Variants in TMEM181 observed in about 807,000 individuals in gnomAD.
TMEM181 encodes G protein-coupled receptor 178.
TMEM181 carries 39 observed loss-of-function variants against 71.9 expected under a neutral mutation model. The observed-to-expected ratio is 0.54, with a 90% CI of 0.42 to 0.71. TMEM181 has a LOEUF of 0.71. Ranked by LOEUF, TMEM181 falls within the 30% of genes least tolerant of loss-of-function variation. TMEM181 has a pLI of 0.00. For missense variants in TMEM181, 595 were observed against 583.0 expected, an observed-to-expected ratio of 1.02 and a Z score of -0.21; for synonymous variants, 245 against 228.8, an observed-to-expected ratio of 1.07 and a Z score of -0.64.
rs779540686 is a variant in TMEM181, at chr6:158,573,428, C to T, written c.17C>T (p.Pro6Leu). MEPLAPMRLYTLSKRH... is the reference protein window; with the variant it reads MEPLALMRLYTLSKRH... ...CTGGCTTCTGCCCCCAGGCTGGCGCCCATGCGGCTCTACACGCTCTCCAAG... is the reference window on the plus strand; with the variant it reads ...CTGGCTTCTGCCCCCAGGCTGGCGCTCATGCGGCTCTACACGCTCTCCAAG... The change falls in exon 2 of 17, where the codon CCC (proline) becomes CTC (leucine). Residue 6 changes from proline to leucine, a missense_variant. Coordinates refer to ENST00000684151, the MANE Select transcript of TMEM181 (RefSeq NM_001376852.1). 52 of 1,582,682 alleles carry T rather than the reference C, an allele frequency of 3.3e-5. No homozygotes were observed. The highest frequency in any genetic ancestry group is 4.3e-5 in the Non-Finnish European group (50 of 1,165,988).
chr6:158,572,138 G>C (rs1365860434), intron 1 of TMEM181, among the ~76,000 whole-genome samples: 2 of 152,238 alleles, frequency 1.3e-5, no homozygotes, highest in Non-Finnish European at 2.9e-5. Flanking sequence ...TCAGAGCTAC[G>C]TCGCAGAGGT....
At position 158,633,747 on chromosome 6, in the gene TMEM181, GAC is replaced by G. The variant is rs1453486283; in HGVS notation, c.*1861_*1862del. ...AAACCTTGTAAATATGAATGTTTAA[GAC>G]AACTTACTGCAAGGGTAATTCAAGT... On this transcript the variant is annotated 3_prime_UTR_variant, in exon 17 of 17. Transcript: ENST00000684151. The G allele has an allele frequency of 1.3e-5, 2 of 152,086 alleles. No homozygotes were observed. The highest frequency in any genetic ancestry group is 4.8e-5 in the African/African-American group (2 of 41,398). The allele number at this position is 152,086 out of a possible 1,614,324, so 9.4% of individuals were successfully genotyped here.
At chr6:158,603,012 C>A (rs1784752912) in intron 6 of TMEM181, among the ~76,000 whole-genome samples, 1 of 152,184 alleles carries the variant, frequency 6.6e-6, no homozygotes, top group African/African-American at 2.4e-5. Context: ...CTCCCCACCC[C>A]CTTTTAAGAT....
chr6:158,559,577 G>T (rs9355660), upstream of TMEM181, among the ~76,000 whole-genome samples: 69,657 of 152,100 alleles, frequency 0.46, 17,067 homozygotes, highest in East Asian at 0.75. Context: ...TGGTCCACTG[G>T]TCTAGCTGCA....
intron 10 of TMEM181, among the ~76,000 whole-genome samples, chr6:158,614,592 G>A (rs1244460350): frequency 1.3e-5 from 2 of 152,050 alleles, no homozygotes; most frequent in African/African-American, 4.8e-5. Context: ...ACCCATTAAC[G>A]CATCATTTAC....
intron 13 of TMEM181, chr6:158,626,508 T>C (rs1402200886): frequency 2.2e-6 from 1 of 456,434 alleles, no homozygotes; most frequent in Non-Finnish European, 4.4e-6. Context: ...GGTCAACCCT[T>C]GTCCAAGCTT....
At chr6:158,569,168 G>A (rs112709451) in intron 1 of TMEM181, among the ~76,000 whole-genome samples, 39 of 152,308 alleles carry the variant, frequency 2.6e-4, no homozygotes, top group African/African-American at 8.7e-4. Flanking sequence ...GAAGTCGAGA[G>A]CGGAAAGAGT....
At chr6:158,572,004 C>T (rs374158979) in intron 1 of TMEM181, among the ~76,000 whole-genome samples, 1 of 152,232 alleles carries the variant, frequency 6.6e-6, no homozygotes, top group Non-Finnish European at 1.5e-5. Flanking sequence ...TGAGTGTTTG[C>T]ACTGAGTCCC....
intron 6 of TMEM181, among the ~76,000 whole-genome samples, chr6:158,594,368 G>T (rs1398886544): frequency 2.0e-5 from 3 of 151,992 alleles, no homozygotes; most frequent in Non-Finnish European, 4.4e-5. Flanking sequence ...GAAAGTGCTG[G>T]GATTACATGC....
At chr6:158,566,245 A>AG (rs1782486853) in intron 1 of TMEM181, among the ~76,000 whole-genome samples, 1 of 152,024 alleles carries the variant, frequency 6.6e-6, no homozygotes, top group African/African-American at 2.4e-5. Flanking sequence ...GTGGTTGAGT[A>AG]GGGGTCTGGA....
At chr6:158,541,982 T>G (rs1261941221) in intron 1 of TMEM181, among the ~76,000 whole-genome samples, 3 of 150,046 alleles carry the variant, frequency 2.0e-5, no homozygotes, top group African/African-American at 7.4e-5. Context: ...CTCAGCTCAT[T>G]GCAACCTCCA....
chr6:158,588,925 C>G (rs73796517), intron 5 of TMEM181, among the ~76,000 whole-genome samples: 4,807 of 152,230 alleles, frequency 0.032, 159 homozygotes, highest in East Asian at 0.11. Flanking sequence ...AAGGCAGGGC[C>G]GGGGCAGAGC....
At chr6:158,600,392 C>T (rs962273659) in intron 6 of TMEM181, among the ~76,000 whole-genome samples, 1 of 150,966 alleles carries the variant, frequency 6.6e-6, no homozygotes, top group Non-Finnish European at 1.5e-5. Flanking sequence ...TCAGGCGATC[C>T]ACCCGCATCG....
chr6:158,605,177 C>T, intron 6 of TMEM181, 90 bp from the exon 7 acceptor site: 9 of 848,380 alleles, frequency 1.1e-5, no homozygotes, highest in Non-Finnish European at 1.7e-5. Flanking sequence ...TATATTGTCT[C>T]ATCTAGAGAT....
At chr6:158,560,275 C>T (rs918433978) in intron 1 of TMEM181, 43 bp downstream of exon 1, 41 of 985,070 alleles carry the variant, frequency 4.2e-5, no homozygotes, top group Non-Finnish European at 4.9e-5. Context: ...GCTCTCCGGA[C>T]ACTCCGGCCG....
intron 1 of TMEM181, among the ~76,000 whole-genome samples, chr6:158,541,253 T>TA (rs1022535821): frequency 9.2e-5 from 14 of 151,410 alleles, no homozygotes; most frequent in Admixed American, 4.0e-4. Context: ...CCATCTCTAC[T>TA]AAAAAAAACA....
chr6:158,539,138 A>G (rs909478643), intron 1 of TMEM181, among the ~76,000 whole-genome samples: 15 of 152,306 alleles, frequency 9.8e-5, no homozygotes, highest in South Asian at 4.1e-4. Flanking sequence ...TTGGAGCTTG[A>G]AGACAGATTC....
At chr6:158,617,266 TG>T (rs1785669071) in intron 10 of TMEM181, among the ~76,000 whole-genome samples, 1 of 152,252 alleles carries the variant, frequency 6.6e-6, no homozygotes, top group Admixed American at 6.5e-5. Flanking sequence ...CTAGTTTATT[TG>T]AGTAGAGGTG....
intron 1 of TMEM181, among the ~76,000 whole-genome samples, chr6:158,564,190 C>G (rs562258159): frequency 1.3e-5 from 2 of 152,176 alleles, no homozygotes; most frequent in Non-Finnish European, 2.9e-5. Flanking sequence ...AACCCATTAG[C>G]TGGTAGGTTA....
Sources: gnomAD v4.1 joint callset for allele counts (sites outside exome capture counted in the v4.1 genomes callset) on GRCh38, gnomAD v4.1.1 for gene constraint, MANE v1.5 for transcripts, NCBI Gene and HGNC (gene_info 2026-07-23, HGNC 2026-07-21) for gene names.